Variants in NGEF observed in about 807,000 individuals in gnomAD.
NGEF encodes ephexin-1.
Under a neutral mutation model 80.9 loss-of-function variants are expected in NGEF, and 31 were observed. The ratio of observed to expected loss-of-function variants is 0.38; its 90% confidence interval spans 0.29 to 0.52. The LOEUF (loss-of-function observed/expected upper bound fraction) is 0.52, where lower values mean the gene tolerates loss of function less well. Ranked by LOEUF, NGEF falls within the 20% of genes least tolerant of loss-of-function variation. The probability of loss-of-function intolerance (pLI) is 0.84; values close to 1 mark genes in which losing one functional copy is unlikely to be tolerated. For synonymous variants in NGEF, 371 were observed against 370.2 expected (o/e 1.00, Z -0.03); for missense variants, 709 against 926.2 (o/e 0.77, Z 3.04).
rs896135303 is a variant in NGEF at position 232,980,987 on chromosome 2, GAGA to G, written c.-74-6026_-74-6024del. On this transcript the variant is annotated intron_variant, in intron 1 of 14. Transcript: ENST00000264051. ...AGAGGCAAGCAGGAGTCCTGATCTGGAGAAGGACTGGCACCAGTAGGGAAGGGG... is the reference window on the plus strand; with the variant it reads ...AGAGGCAAGCAGGAGTCCTGATCTGGAGGACTGGCACCAGTAGGGAAGGGG... Among the ~76,000 whole-genome samples, 5 of 151,986 alleles carry G rather than the reference GAGA, an allele frequency of 3.3e-5. No homozygotes were observed. The South Asian group carries it at 1.0e-3, about 32-fold the overall frequency.
At chr2:232,900,569 C>T (rs1235885843) in intron 5 of NGEF, among the ~76,000 whole-genome samples, 47 of 40,978 alleles carry the variant, frequency 1.1e-3, no homozygotes, top group African/African-American at 2.2e-3. Context: ...CACATTCACT[C>T]ACACACACGC....
At chr2:232,923,829 G>A (rs112803686) in intron 4 of NGEF, among the ~76,000 whole-genome samples, 1 of 152,286 alleles carries the variant, frequency 6.6e-6, no homozygotes, top group African/African-American at 2.4e-5. Context: ...CCCCAGATTC[G>A]TATGTTGGAA....
chr2:232,894,820 G>A lies in NGEF; in HGVS notation c.925C>T (p.Leu309=), dbSNP rs1379262707. 1 of 1,611,804 alleles carries A rather than the reference G, an allele frequency of 6.2e-7. No individual in the cohort carries two copies. The highest frequency in any genetic ancestry group is 2.2e-5 in the East Asian group (1 of 44,866). The change falls in exon 6 of 15, where the codon CTG becomes TTG. Residue 309 remains leucine, a synonymous_variant. Coordinates refer to ENST00000264051, the MANE Select transcript of NGEF (RefSeq NM_019850.3). ...FMENERIRKI[L]HPSEAHILFS... ...AGGATGTGCGCCTCGGACGGGTGCA[G>A]GATCTTCCTTATCCGCTCGTTCTCC...
At chr2:232,909,728 C>T (rs1435098973) in intron 5 of NGEF, among the ~76,000 whole-genome samples, 1 of 152,114 alleles carries the variant, frequency 6.6e-6, no homozygotes, top group Non-Finnish European at 1.5e-5. Context: ...CACGCTCCCC[C>T]CACACCTAAC....
chr2:232,896,681 T>TAGGGATGGGGGTGGGGGG (rs1692082764), intron 5 of NGEF, among the ~76,000 whole-genome samples: 1 of 18,390 alleles, frequency 5.4e-5, no homozygotes, highest in African/African-American at 2.4e-4. Context: ...GGGGTGGGGG[T>TAGGGATGGGGGTGGGGGG]AGGGATGGGG....
intron 1 of NGEF, among the ~76,000 whole-genome samples, chr2:233,001,407 C>T (rs555427150): frequency 4.6e-5 from 7 of 152,306 alleles, no homozygotes; most frequent in East Asian, 3.9e-4. Flanking sequence ...AGTCTCCCCA[C>T]GGGCCCATAG....
chr2:233,002,329 TA>T (rs1224951504), intron 1 of NGEF, among the ~76,000 whole-genome samples: 1 of 152,220 alleles, frequency 6.6e-6, no homozygotes, highest in African/African-American at 2.4e-5. Flanking sequence ...AAATTTAATT[TA>T]AAGGCAATCT....
chr2:232,996,103 C>T (rs1010037333), intron 1 of NGEF, among the ~76,000 whole-genome samples: 1 of 151,998 alleles, frequency 6.6e-6, no homozygotes, highest in African/African-American at 2.4e-5. Context: ...TCATTCTACT[C>T]CATTCAGGTA....
chr2:232,887,474 CAG>C (rs1195176507), intron 9 of NGEF, among the ~76,000 whole-genome samples: 1 of 149,598 alleles, frequency 6.7e-6, no homozygotes. Context: ...CAGAGATGCA[CAG>C]GGGTGACTGA....
intron 3 of NGEF, among the ~76,000 whole-genome samples, chr2:232,945,984 AG>A (rs1559219113): frequency 6.6e-6 from 1 of 151,706 alleles, no homozygotes; most frequent in African/African-American, 2.4e-5. Context: ...TCAATCAACT[AG>A]TGGATAAACT....
rs145469288 is a variant in NGEF at position 232,911,680 on chromosome 2, T to G, written c.828+8604A>C. 7.2e-5 allele frequency among the ~76,000 whole-genome samples: 11 copies of G among 152,364 alleles called. No homozygotes were observed. In the East Asian group the frequency reaches 2.1e-3, roughly 29 times the overall value. On this transcript the variant is annotated intron_variant, in intron 5 of 14. Transcript: ENST00000264051. The stretch of plus-strand genomic sequence containing the variant: ...TTATTTACATTTTATTTGATTTCTC[T>G]CCTCACTGATTTGTGGTTTTCAGCA...
intron 1 of NGEF, among the ~76,000 whole-genome samples, chr2:232,992,430 C>A (rs1694669881): frequency 1.3e-5 from 2 of 152,060 alleles, no homozygotes; most frequent in Admixed American, 1.3e-4. Flanking sequence ...TGGTGGTGCA[C>A]ACCTGTAATA....
intron 3 of NGEF, among the ~76,000 whole-genome samples, chr2:232,931,793 G>T (rs1559213632): frequency 6.6e-6 from 1 of 152,188 alleles, no homozygotes; most frequent in Non-Finnish European, 1.5e-5. Context: ...AGAACCATTT[G>T]GCTGAAAACA....
chr2:232,886,302 CTGTG>C (rs919642365), intron 9 of NGEF, among the ~76,000 whole-genome samples: 2 of 148,054 alleles, frequency 1.4e-5, no homozygotes, highest in Non-Finnish European at 3.0e-5. Context: ...GCTGTGTGTA[CTGTG>C]TGTGGTATGT....
At chr2:232,988,717 T>C (rs1448128901) in intron 1 of NGEF, among the ~76,000 whole-genome samples, 1 of 152,180 alleles carries the variant, frequency 6.6e-6, no homozygotes, top group Non-Finnish European at 1.5e-5. Flanking sequence ...GGCAGCATTG[T>C]TCAAGGGCAA....
At chr2:232,928,115 C>T in intron 3 of NGEF, 4 of 1,024,858 alleles carry the variant, frequency 3.9e-6, no homozygotes, top group Non-Finnish European at 4.7e-6. Flanking sequence ...GCGGCTCGAC[C>T]GGAGCTGCAG....
intron 1 of NGEF, among the ~76,000 whole-genome samples, chr2:233,012,306 G>A (rs1225265548): frequency 6.6e-6 from 1 of 152,156 alleles, no homozygotes; most frequent in Non-Finnish European, 1.5e-5. Flanking sequence ...TTTAAATCAA[G>A]ATAGACAATA....
At chr2:232,922,657 G>A (rs887574416) in intron 4 of NGEF, among the ~76,000 whole-genome samples, 2 of 152,206 alleles carry the variant, frequency 1.3e-5, no homozygotes. Flanking sequence ...ACTGCACTGC[G>A]GTTACAGAGG....
At chr2:232,982,371 T>G (rs1164562044) in intron 1 of NGEF, among the ~76,000 whole-genome samples, 2 of 152,100 alleles carry the variant, frequency 1.3e-5, no homozygotes, top group Non-Finnish European at 2.9e-5. Context: ...GGCAGGAAGA[T>G]GGGGCTTATT....
Sources: allele counts gnomAD v4.1 joint callset (sites outside exome capture counted in the v4.1 genomes callset), GRCh38; gene constraint gnomAD v4.1.1; transcripts MANE v1.5; gene names NCBI Gene and HGNC (gene_info 2026-07-23, HGNC 2026-07-21).